The following DNAJB1 variants were observed in gnomAD, a reference collection of about 807,000 sequenced individuals.
The protein encoded by DNAJB1 is dnaJ homolog subfamily B member 1.
Under a neutral mutation model 24.0 loss-of-function variants are expected in DNAJB1, and 14 were observed. The ratio of observed to expected loss-of-function variants is 0.58; its 90% CI spans 0.39 to 0.91. DNAJB1 has a LOEUF of 0.91. Ranked by LOEUF, DNAJB1 falls within the 40% of genes least tolerant of loss-of-function variation. DNAJB1 has a pLI of 0.00. For synonymous variants in DNAJB1, 262 were observed against 174.4 expected (o/e 1.50, Z -3.96); for missense variants, 517 against 458.1 (o/e 1.13, Z -1.17).
rs764924436 is a variant in DNAJB1 at position 14,516,185 on chromosome 19, G to A, written c.793-15C>T. 1.7e-5 allele frequency: 27 copies of A among 1,612,956 alleles called. No homozygotes were observed. The Middle Eastern group carries it at 9.9e-4, about 59-fold the overall frequency. ...CCACACAGAGCCTTGAAAAGCAAAA[G>A]GACAGCATTAGATGGAAGCTGGCTC... is the stretch of plus-strand genomic sequence containing the variant. On this transcript the variant is annotated splice_polypyrimidine_tract_variant and intron_variant, in intron 2 of 2. Transcript: ENST00000254322.
upstream of DNAJB1, chr19:14,529,988 C>T: frequency 1.8e-6 from 1 of 552,528 alleles, no homozygotes. Flanking sequence ...CTTGCAGCTC[C>T]CCCAGCGGGC....
At chr19:14,558,001 C>T (rs558987607) in intron 1 of DNAJB1, among the ~76,000 whole-genome samples, 10 of 152,020 alleles carry the variant, frequency 6.6e-5, no homozygotes, top group East Asian at 1.9e-4. Context: ...GTGATTCGCC[C>T]GCCTCGGCCT....
upstream of DNAJB1, among the ~76,000 whole-genome samples, chr19:14,521,995 A>G (rs189828476): frequency 2.6e-4 from 40 of 152,176 alleles, no homozygotes; most frequent in Admixed American, 1.5e-3. Context: ...AAACAAACCC[A>G]GTAACTCTCT....
upstream of DNAJB1, among the ~76,000 whole-genome samples, chr19:14,521,043 T>C (rs942809458): frequency 6.6e-6 from 1 of 152,126 alleles, no homozygotes; most frequent in Non-Finnish European, 1.5e-5. Context: ...GGGGAAAAAC[T>C]CAGAGCTTGT....
At chr19:14,533,218 T>G (rs1476303158), upstream of DNAJB1, among the ~76,000 whole-genome samples, 1 of 151,796 alleles carries the variant, frequency 6.6e-6, no homozygotes, top group African/African-American at 2.4e-5. Context: ...GTCAGGAGTT[T>G]GAGACCAGCC....
chr19:14,534,103 A>G (rs935249544), upstream of DNAJB1: 10 of 151,372 alleles, frequency 6.6e-5, no homozygotes, highest in East Asian at 5.8e-4. Context: ...GGGGTCCCCC[A>G]TAACCCACAT....
In DNAJB1 at chr19:14,518,361, G is replaced by C; in HGVS notation, c.-12C>G. On this transcript the variant is annotated 5_prime_UTR_variant, in exon 1 of 3. Transcript: ENST00000254322. ...TAGTCTTTACCCATGACCCCCTCCTGCGGCCCGCCGACCCGCTGTCGCCGT... is the reference window on the plus strand; with the variant it reads ...TAGTCTTTACCCATGACCCCCTCCTCCGGCCCGCCGACCCGCTGTCGCCGT... The C allele has an allele frequency of 1.3e-6, 2 of 1,540,992 alleles. No homozygotes were observed. The highest frequency in any genetic ancestry group is 1.7e-6 in the Non-Finnish European group (2 of 1,152,956).
At chr19:14,557,790 C>G (rs913899469) in intron 1 of DNAJB1, among the ~76,000 whole-genome samples, 1 of 150,204 alleles carries the variant, frequency 6.7e-6, no homozygotes, top group African/African-American at 2.5e-5. Flanking sequence ...GAGTCTTGCT[C>G]TGTCGCCCAG....
At chr19:14,529,557 CGCGCGGCCTGGAGGGGCGG>C, upstream of DNAJB1, 1 of 1,326,814 alleles carries the variant, frequency 7.5e-7, no homozygotes, top group African/African-American at 1.4e-5. Flanking sequence ...CGACGGGGCG[CGCGCGGCCTGGAGGGGCGG>C]GGCGGACGCA....
upstream of DNAJB1, among the ~76,000 whole-genome samples, chr19:14,533,420 C>CA (rs111743388): frequency 0.013 from 1,911 of 141,968 alleles, 18 homozygotes; most frequent in Middle Eastern, 0.022. Context: ...GACTCTGTCT[C>CA]AAAAAAAAAA....
At chr19:14,528,632 A>C (rs186428105) in intron 1 of DNAJB1, among the ~76,000 whole-genome samples, 1 of 152,072 alleles carries the variant, frequency 6.6e-6, no homozygotes, top group East Asian at 1.9e-4. Flanking sequence ...TCCCCTGTCC[A>C]TAGGGCGGAG....
At chr19:14,522,709 C>CAG (rs1568383679), upstream of DNAJB1, among the ~76,000 whole-genome samples, 54 of 151,654 alleles carry the variant, frequency 3.6e-4, no homozygotes, top group African/African-American at 1.2e-3. Context: ...CACACACACA[C>CAG]ACACACACAC....
upstream of DNAJB1, chr19:14,529,397 C>G (rs1448850901): frequency 6.2e-5 from 35 of 569,028 alleles, no homozygotes; most frequent in Non-Finnish European, 1.1e-4. Context: ...ATGGTCAAGC[C>G]CCTTCTCTTT....
chr19:14,544,619 C>T (rs567452707), intron 1 of DNAJB1, among the ~76,000 whole-genome samples: 5 of 144,220 alleles, frequency 3.5e-5, no homozygotes, highest in East Asian at 2.0e-4. Flanking sequence ...TTTGCTGCTG[C>T]GGTGTTTGGC....
intron 1 of DNAJB1, among the ~76,000 whole-genome samples, chr19:14,542,006 C>T (rs1225157302): frequency 2.0e-5 from 3 of 152,164 alleles, no homozygotes; most frequent in African/African-American, 7.2e-5. Context: ...TGGTTTCGAA[C>T]TCCTGACCTC....
intron 1 of DNAJB1, 104 bp downstream of exon 1, chr19:14,518,035 C>A (rs1282525588): frequency 3.2e-6 from 4 of 1,250,094 alleles, no homozygotes; most frequent in East Asian, 6.3e-5. Flanking sequence ...CTCGGCCCCA[C>A]GGCCCGGGGC....
intron 2 of DNAJB1, among the ~76,000 whole-genome samples, chr19:14,525,062 C>T (rs926869015): frequency 2.0e-5 from 3 of 151,808 alleles, no homozygotes; most frequent in Non-Finnish European, 4.4e-5. Flanking sequence ...GGTGAAATTC[C>T]GTCTGTACTA....
intron 1 of DNAJB1, among the ~76,000 whole-genome samples, chr19:14,558,513 T>G (rs2073809582): frequency 6.6e-6 from 1 of 152,132 alleles, no homozygotes; most frequent in African/African-American, 2.4e-5. Flanking sequence ...CCGGGAATCT[T>G]GGGCCTCCTG....
At chr19:14,518,027 C>G (rs1237570318) in intron 1 of DNAJB1, 112 bp downstream of exon 1, 6 of 1,191,898 alleles carry the variant, frequency 5.0e-6, no homozygotes, top group Non-Finnish European at 6.6e-6. Flanking sequence ...CGGGGCAGCT[C>G]GGCCCCACGG....
Sources: gnomAD v4.1 joint callset for allele counts (sites outside exome capture counted in the v4.1 genomes callset) on GRCh38, gnomAD v4.1.1 for gene constraint, MANE v1.5 for transcripts, NCBI Gene and HGNC (gene_info 2026-07-23, HGNC 2026-07-21) for gene names.